Variants in KCND2 observed in about 807,000 individuals in gnomAD.
KCND2 encodes the protein potassium voltage-gated channel subfamily D member 2, also known as A-type voltage-gated potassium channel KCND2.
A neutral mutation model predicts 54.4 loss-of-function variants in KCND2; 16 were observed. That is an observed-to-expected ratio of 0.29 (90% CI 0.20 to 0.45). The LOEUF (loss-of-function observed/expected upper bound fraction) is 0.45, where lower values mean the gene tolerates loss of function less well. KCND2 is among the 20% of genes least tolerant of loss of function. The pLI is 1.00. For synonymous variants in KCND2, 317 were observed against 310.7 expected (o/e 1.02, Z -0.21); for missense variants, 486 against 824.2 (o/e 0.59, Z 5.02).
chr7:120,559,752 A>G (rs1584828122), intron 1 of KCND2, among the ~76,000 whole-genome samples: 1 of 152,202 alleles, frequency 6.6e-6, no homozygotes, highest in East Asian at 1.9e-4. Flanking sequence ...GAGCTGCCAT[A>G]CACTAGAGTT....
At chr7:120,478,501 G>A (rs117748207) in intron 1 of KCND2, among the ~76,000 whole-genome samples, 1 of 152,148 alleles carries the variant, frequency 6.6e-6, no homozygotes, top group East Asian at 1.9e-4. Flanking sequence ...TATTCCAAAG[G>A]CCCATAGAAA....
At chr7:120,402,688 T>C (rs537140976) in intron 1 of KCND2, among the ~76,000 whole-genome samples, 38 of 152,308 alleles carry the variant, frequency 2.5e-4, no homozygotes, top group African/African-American at 8.9e-4. Flanking sequence ...ACTTTGATAA[T>C]AAATTCCAGT....
At chr7:120,584,448 A>G (rs1419920458) in intron 1 of KCND2, among the ~76,000 whole-genome samples, 2 of 152,232 alleles carry the variant, frequency 1.3e-5, no homozygotes, top group Admixed American at 6.5e-5. Context: ...TCACAGTGAG[A>G]GGAAAAGCAT....
chr7:120,571,507 T>C (rs180746410), intron 1 of KCND2, among the ~76,000 whole-genome samples: 316 of 152,294 alleles, frequency 2.1e-3, no homozygotes, highest in African/African-American at 7.3e-3. Flanking sequence ...TGTTACTGCA[T>C]TGAGGATATC....
chr7:120,583,907 T>C (rs1792553880), intron 1 of KCND2, among the ~76,000 whole-genome samples: 1 of 151,942 alleles, frequency 6.6e-6, no homozygotes, highest in Non-Finnish European at 1.5e-5. Flanking sequence ...ATCACAAAAA[T>C]GTAATCAGTC....
chr7:120,629,695 A>G (rs188750569), intron 1 of KCND2, among the ~76,000 whole-genome samples: 4 of 152,334 alleles, frequency 2.6e-5, no homozygotes, highest in Admixed American at 2.0e-4. Context: ...AAGTGTGAGC[A>G]GTATTGGCTG....
intron 1 of KCND2, among the ~76,000 whole-genome samples, chr7:120,351,972 A>T (rs1800415158): frequency 6.6e-6 from 1 of 150,858 alleles, no homozygotes; most frequent in Admixed American, 6.6e-5. Context: ...CCACCACACC[A>T]AGCTAATTTT....
intron 1 of KCND2, among the ~76,000 whole-genome samples, chr7:120,553,073 G>C (rs960749781): frequency 1.3e-5 from 2 of 152,102 alleles, no homozygotes; most frequent in African/African-American, 2.4e-5. Context: ...TCTTTTAGCA[G>C]ATTTCAAGTA....
chr7:120,638,687 T>A (rs1793335984), intron 1 of KCND2, among the ~76,000 whole-genome samples: 1 of 152,140 alleles, frequency 6.6e-6, no homozygotes, highest in African/African-American at 2.4e-5. Context: ...TAGATAGTGC[T>A]TACATACTGA....
intron 1 of KCND2, among the ~76,000 whole-genome samples, chr7:120,670,732 C>T (rs1351332078): frequency 1.3e-5 from 2 of 151,774 alleles, no homozygotes; most frequent in African/African-American, 2.4e-5. Flanking sequence ...CTGGCTAACA[C>T]GGTGAAACCC....
At chr7:120,654,585 G>C (rs1002751647) in intron 1 of KCND2, among the ~76,000 whole-genome samples, 2 of 152,118 alleles carry the variant, frequency 1.3e-5, no homozygotes, top group African/African-American at 4.8e-5. Context: ...TCAACAAGAT[G>C]GGGGGACTGG....
chr7:120,481,641 G>A (rs1296433359), intron 1 of KCND2, among the ~76,000 whole-genome samples: 2 of 152,124 alleles, frequency 1.3e-5, no homozygotes, highest in Non-Finnish European at 2.9e-5. Context: ...CCCTCCATTA[G>A]CTCATTGTCA....
chr7:120,661,018 C>T (rs1035325100), intron 1 of KCND2, among the ~76,000 whole-genome samples: 3 of 152,066 alleles, frequency 2.0e-5, no homozygotes, highest in Admixed American at 6.6e-5. Context: ...AGATTTCATA[C>T]ATGCATAAAC....
chr7:120,319,807 A>G (rs1799867189), intron 1 of KCND2, among the ~76,000 whole-genome samples: 1 of 152,140 alleles, frequency 6.6e-6, no homozygotes, highest in African/African-American at 2.4e-5. Context: ...TCCATTTAAC[A>G]TAGTAGAAGC....
intron 1 of KCND2, among the ~76,000 whole-genome samples, chr7:120,607,285 C>A (rs928585049): frequency 9.9e-5 from 15 of 151,720 alleles, no homozygotes; most frequent in African/African-American, 3.6e-4. Context: ...CAATTTTGGT[C>A]AGAGTTCTCA....
intron 1 of KCND2, among the ~76,000 whole-genome samples, chr7:120,339,262 T>G (rs1277397861): frequency 1.3e-5 from 2 of 151,948 alleles, no homozygotes; most frequent in African/African-American, 4.8e-5. Flanking sequence ...ATTTTCTCAT[T>G]GCAAACCATG....
At chr7:120,380,923 A>G (rs1311003211) in intron 1 of KCND2, among the ~76,000 whole-genome samples, 1 of 152,212 alleles carries the variant, frequency 6.6e-6, no homozygotes, top group East Asian at 1.9e-4. Flanking sequence ...AATTGGTTGA[A>G]TAAATTATTT....
intron 1 of KCND2, among the ~76,000 whole-genome samples, chr7:120,344,303 A>T (rs1357616814): frequency 6.6e-6 from 1 of 152,174 alleles, no homozygotes; most frequent in East Asian, 1.9e-4. Context: ...ACCAGACAAG[A>T]TAACACATAA....
intron 1 of KCND2, among the ~76,000 whole-genome samples, chr7:120,453,958 C>T (rs1562842404): frequency 1.3e-5 from 2 of 152,112 alleles, no homozygotes; most frequent in East Asian, 1.9e-4. Flanking sequence ...GTAGTGGGTG[C>T]CTGTAGTCCC....
Sources: allele counts gnomAD v4.1 joint callset (sites outside exome capture counted in the v4.1 genomes callset), GRCh38; gene constraint gnomAD v4.1.1; transcripts MANE v1.5; gene names NCBI Gene and HGNC (gene_info 2026-07-23, HGNC 2026-07-21).